DLG2: variants seen among roughly 807,000 people sequenced by gnomAD.
DLG2 encodes the protein disks large homolog 2.
Under a neutral mutation model 132.5 loss-of-function variants are expected in DLG2, and 45 were observed. The observed-to-expected ratio is 0.34, with a 90% confidence interval of 0.27 to 0.44. The LOEUF is 0.44. DLG2 is among the 20% of genes least tolerant of loss of function. DLG2 has a pLI of 1.00. For synonymous variants in DLG2, 424 were observed against 419.6 expected, an observed-to-expected ratio of 1.01 and a Z score of -0.13; for missense variants, 1,045 against 1,196.9, an observed-to-expected ratio of 0.87 and a Z score of 1.87.
chr11:83,807,275 T>A (rs1343842268), intron 17 of DLG2, among the ~76,000 whole-genome samples: 1 of 152,190 alleles, frequency 6.6e-6, no homozygotes, highest in Non-Finnish European at 1.5e-5. Flanking sequence ...AAGTGGATAT[T>A]ATAAGCATCA....
At chr11:84,592,457 A>G (rs2099545685) in intron 6 of DLG2, among the ~76,000 whole-genome samples, 1 of 152,188 alleles carries the variant, frequency 6.6e-6, no homozygotes, top group South Asian at 2.1e-4. Flanking sequence ...AAAAACCGAA[A>G]TTGACAAATG....
chr11:84,524,082 C>T (rs2099312827), intron 7 of DLG2, among the ~76,000 whole-genome samples: 1 of 152,070 alleles, frequency 6.6e-6, no homozygotes, highest in Non-Finnish European at 1.5e-5. Flanking sequence ...ATAAAATACA[C>T]TAACTCTAAT....
intron 19 of DLG2, among the ~76,000 whole-genome samples, chr11:83,577,842 A>C (rs1474683478): frequency 8.1e-6 from 1 of 122,734 alleles, no homozygotes; most frequent in East Asian, 2.2e-4. Flanking sequence ...TATATTATAT[A>C]ATTATAAATA....
chr11:84,437,876 C>T (rs1052769597), intron 7 of DLG2: 2 of 152,566 alleles, frequency 1.3e-5, no homozygotes, highest in African/African-American at 4.8e-5. Context: ...TGGGCAGTTA[C>T]AATCCTCGCT....
At position 85,231,898 on chromosome 11, in the gene DLG2, A is replaced by G. The variant is rs187172894; in HGVS notation, c.186+53322T>C. Among the ~76,000 whole-genome samples the G allele has an allele frequency of 1.0e-3, 154 of 151,994 alleles. 2 individuals are homozygous for G. Among genetic ancestry groups the G allele is most frequent in the African/African-American group, 3.2e-3 (133 of 41,514 alleles). On this transcript the variant is annotated intron_variant, in intron 4 of 27. Transcript: ENST00000376104. ...ACTCCAGAATCTCTATGTAGCTCAC[A>G]AATATTTAGTTGCTGCCAAACCTCA...
At chr11:84,625,978 A>AT (rs2099621858) in intron 6 of DLG2, among the ~76,000 whole-genome samples, 1 of 152,052 alleles carries the variant, frequency 6.6e-6, no homozygotes, top group African/African-American at 2.4e-5. Flanking sequence ...CATAGAATGT[A>AT]TTTTTCTTTG....
chr11:83,992,079 AG>A (rs1258765142), intron 11 of DLG2, among the ~76,000 whole-genome samples: 7 of 152,222 alleles, frequency 4.6e-5, no homozygotes, highest in African/African-American at 1.7e-4. Context: ...ACTAAAAGCT[AG>A]GGAAGAAGCG....
intron 6 of DLG2, chr11:84,923,617 G>T: frequency 1.0e-6 from 1 of 989,806 alleles, no homozygotes. Flanking sequence ...TCCTTTGGAG[G>T]TTTAATATGA....
chr11:84,479,667 G>A (rs539380975), intron 7 of DLG2, among the ~76,000 whole-genome samples: 3 of 151,846 alleles, frequency 2.0e-5, no homozygotes, highest in Non-Finnish European at 2.9e-5. Flanking sequence ...ACATGCAAAA[G>A]GAACAGTAGG....
intron 11 of DLG2, among the ~76,000 whole-genome samples, chr11:84,039,226 T>A (rs1203111373): frequency 5.3e-5 from 8 of 152,036 alleles, no homozygotes; most frequent in Non-Finnish European, 8.8e-5. Flanking sequence ...TAATTTTTTT[T>A]TTATTATTAT....
intron 11 of DLG2, among the ~76,000 whole-genome samples, chr11:84,025,492 A>T (rs1257503876): frequency 6.6e-6 from 1 of 152,176 alleles, no homozygotes; most frequent in Non-Finnish European, 1.5e-5. Flanking sequence ...TACAATGGGA[A>T]ATTAAGAATA....
At position 84,371,788 on chromosome 11, in the gene DLG2, G is replaced by A. The variant is rs189480387; in HGVS notation, c.520-120497C>T. ...CTACTTTTAGAAAACTTTTGTAAAC[G>A]TACTTTAAATTTCTATGAGAAAATA... is the stretch of plus-strand genomic sequence containing the variant. On this transcript the variant is annotated intron_variant, in intron 7 of 27. Transcript: ENST00000376104. 6.6e-3 allele frequency among the ~76,000 whole-genome samples: 1,011 copies of A among 152,090 alleles called. 9 individuals are homozygous for A. Among genetic ancestry groups the A allele is most frequent in the African/African-American group, 0.022 (933 of 41,488 alleles).
chr11:83,633,303 T>G lies in DLG2; in HGVS notation c.1848A>C (p.Lys616Asn), dbSNP rs2063897320. The part of the protein sequence containing the change: ...QPEDYARFEA[K>N]IHDLREQMMN... Reference sequence around the variant, plus strand: ...TCATCTGCTCTCGTAGGTCATGGATTTTGGCCTCAAATCGAGCGTAATCTG... The same window carrying G: ...TCATCTGCTCTCGTAGGTCATGGATGTTGGCCTCAAATCGAGCGTAATCTG... Residue 616 changes from lysine to asparagine, a missense_variant, in exon 19 of 28, where the codon AAA becomes AAC. By Grantham distance (94) the Lys-to-Asn change is moderately conservative. Transcript: ENST00000376104. 5 of 1,613,592 alleles carry G rather than the reference T, an allele frequency of 3.1e-6. No homozygotes were observed. Among genetic ancestry groups the G allele is most frequent in the Non-Finnish European group, 4.2e-6 (5 of 1,179,696 alleles).
intron 18 of DLG2, among the ~76,000 whole-genome samples, chr11:83,719,602 C>T (rs2087784579): frequency 6.6e-6 from 1 of 152,100 alleles, no homozygotes; most frequent in Non-Finnish European, 1.5e-5. Context: ...AGGTTCCAGG[C>T]CCTTTTTGGC....
intron 6 of DLG2, among the ~76,000 whole-genome samples, chr11:84,751,572 A>C (rs1332122057): frequency 6.6e-6 from 1 of 152,180 alleles, no homozygotes; most frequent in Non-Finnish European, 1.5e-5. Context: ...TTTCCTGGGC[A>C]TCCTCAGATC....
chr11:83,887,132 A>T (rs2068139589), intron 15 of DLG2, among the ~76,000 whole-genome samples: 1 of 152,130 alleles, frequency 6.6e-6, no homozygotes, highest in African/African-American at 2.4e-5. Flanking sequence ...GACACAAAAA[A>T]CCCTTCAAAA....
At chr11:83,831,561 A>G (rs1283234413) in intron 17 of DLG2, among the ~76,000 whole-genome samples, 2 of 152,096 alleles carry the variant, frequency 1.3e-5, no homozygotes, top group Non-Finnish European at 2.9e-5. Flanking sequence ...AGAGAAAGAG[A>G]GAGAGATTTT....
chr11:84,209,811 A>T (rs1228713708), intron 8 of DLG2, among the ~76,000 whole-genome samples: 9 of 152,226 alleles, frequency 5.9e-5, no homozygotes, highest in Admixed American at 5.2e-4. Flanking sequence ...ACAACATTTA[A>T]TGTTGAAGAG....
chr11:85,393,549 A>C (rs965956410), intron 3 of DLG2, among the ~76,000 whole-genome samples: 4 of 152,112 alleles, frequency 2.6e-5, no homozygotes, highest in Non-Finnish European at 5.9e-5. Flanking sequence ...TTGCAATTGC[A>C]AAAAATGGAC....
Sources: allele counts gnomAD v4.1 joint callset (sites outside exome capture counted in the v4.1 genomes callset), GRCh38; gene constraint gnomAD v4.1.1; transcripts MANE v1.5; gene names NCBI Gene and HGNC (gene_info 2026-07-23, HGNC 2026-07-21).